CCDC88A: variants seen among roughly 807,000 people sequenced by gnomAD.
CCDC88A encodes coiled-coil and HOOK domain protein 88A.
Under a neutral mutation model 234.3 loss-of-function variants are expected in CCDC88A, and 54 were observed. That is an observed-to-expected ratio of 0.23 (90% CI 0.19 to 0.29). The LOEUF (loss-of-function observed/expected upper bound fraction) is 0.29, where lower values mean the gene tolerates loss of function less well. CCDC88A is among the 10% of genes least tolerant of loss of function. The probability of loss-of-function intolerance (pLI) is 1.00; values close to 1 mark genes in which losing one functional copy is unlikely to be tolerated. For synonymous variants in CCDC88A, 753 were observed against 737.8 expected (o/e 1.02, Z -0.33); for missense variants, 1,832 against 2,123.4 (o/e 0.86, Z 2.70).
At chr2:55,350,660 T>C (rs1487970628) in intron 8 of CCDC88A, 5 of 150,308 alleles carry the variant, frequency 3.3e-5, no homozygotes, top group African/African-American at 9.7e-5. Context: ...TTAAAATATA[T>C]GTATGTATAT....
In CCDC88A at chr2:55,289,379, T is replaced by C. The variant is rs531834073; in HGVS notation, c.*1821A>G. ...TCCACCTAAAAATGAATGTACATTT[T>C]TTGACATGCAATTGTCTCTAGACTG... On this transcript the variant is annotated 3_prime_UTR_variant, in exon 33 of 33. Coordinates refer to ENST00000436346, the MANE Select transcript of CCDC88A (RefSeq NM_001365480.1). The C allele has an allele frequency of 9.8e-5, 15 of 152,762 alleles. No homozygotes were observed. The highest frequency in any genetic ancestry group is 3.6e-4 in the African/African-American group (15 of 41,586). The allele number at this position is 152,762 out of a possible 1,614,324, so 9.5% of individuals were successfully genotyped here.
chr2:55,312,772 T>C (rs1682486810), intron 22 of CCDC88A, 193 bp from the exon 23 acceptor site: 1 of 406,392 alleles, frequency 2.5e-6, no homozygotes, highest in African/African-American at 2.0e-5. Context: ...TCTCTCTCTA[T>C]ATAAATATTT....
intron 2 of CCDC88A, among the ~76,000 whole-genome samples, chr2:55,401,465 T>TATATATATATATATATAC (rs1678647502): frequency 3.1e-5 from 1 of 32,210 alleles, no homozygotes; most frequent in African/African-American, 1.6e-4. Flanking sequence ...TATATATATA[T>TATATATATATATATATAC]ACATATGTGT....
intron 18 of CCDC88A, among the ~76,000 whole-genome samples, 174 bp downstream of exon 18, chr2:55,322,354 C>T (rs1019984905): frequency 1.4e-5 from 2 of 144,458 alleles, no homozygotes; most frequent in African/African-American, 5.0e-5. Flanking sequence ...GCAGGAGAAG[C>T]AAAAAGAAAG....
rs1198471121 is a variant in CCDC88A at position 55,296,407 on chromosome 2, T to G, written c.4942A>C (p.Arg1648=). 19 of 1,614,246 alleles carry G rather than the reference T, an allele frequency of 1.2e-5. No individual in the cohort carries two copies. Among genetic ancestry groups the G allele is most frequent in the Non-Finnish European group, 1.6e-5 (19 of 1,180,040 alleles). The change falls in exon 30 of 33, where the codon AGA becomes CGA. Residue 1648 remains arginine, a synonymous_variant. Coordinates refer to ENST00000436346, the MANE Select transcript of CCDC88A (RefSeq NM_001365480.1). ...AGCACTGGGCTTGATCTGGTCTGTC[T>G]TTTCAAGTACTGGATTGGACTGCTA... The part of the protein sequence containing the change: ...SGSSPIQYLK[R]QTRSSPVLQH...
Position 55,388,765 on chromosome 2 carries a change from A to G in CCDC88A, c.273+13T>C. 3 of 1,020,272 alleles carry G rather than the reference A, an allele frequency of 2.9e-6. No individual in the cohort carries two copies. Among genetic ancestry groups the G allele is most frequent in the Non-Finnish European group, 4.5e-6 (3 of 671,034 alleles). The allele number at this position is 1,020,272 out of a possible 1,614,324, so 63.2% of individuals were successfully genotyped here. On this transcript the variant is annotated intron_variant, in intron 3 of 32. Coordinates refer to ENST00000436346, the MANE Select transcript of CCDC88A (RefSeq NM_001365480.1). ...AGTTATTAAAACCCCAGATTTTTAA[A>G]AAGAGCACTTACCTGGTAATAAAAT...
rs893410705 is a variant in CCDC88A at position 55,301,984 on chromosome 2, C to T, written c.4560G>A (p.Thr1520=). ...ENLEVPDDIS[T]GKRRKELGAM... is the part of the protein sequence containing the mutation. ...CTCCCAATTCTTTTCTCCTTTTACC[C>T]GTTGAAATATCATCAGGAACCTCCA... The change falls in exon 27 of 33, where the codon ACG becomes ACA. Residue 1520 remains threonine (T), a synonymous_variant. Transcript: ENST00000436346. 7.4e-6 allele frequency: 12 copies of T among 1,613,870 alleles called. No homozygotes were observed. Among genetic ancestry groups the T allele is most frequent in the South Asian group, 1.1e-5 (1 of 91,088 alleles).
In CCDC88A at chr2:55,364,113, G is replaced by A. The variant is rs954044070; in HGVS notation, c.403-80C>T. 58 of 616,344 alleles carry A rather than the reference G, an allele frequency of 9.4e-5. 1 individual carries two copies. Among genetic ancestry groups the A allele is most frequent in the Non-Finnish European group, 3.5e-5 (13 of 375,690 alleles). The allele number at this position is 616,344 out of a possible 1,614,324, so 38.2% of individuals were successfully genotyped here. A position where few individuals can be genotyped will look rare whatever the true frequency, so the allele number is the denominator to read the frequency against. The stretch of plus-strand genomic sequence containing the variant: ...ATGTTATATATAACTAAAACTTTAT[G>A]AGGTTTGCTATATTTTGAAAAGTAT... On this transcript the variant is annotated intron_variant, in intron 5 of 32. Transcript: ENST00000436346.
In CCDC88A at chr2:55,308,820, T is replaced by C. The variant is rs1681968671; in HGVS notation, c.4376A>G (p.Lys1459Arg). ...GTTTAAGCACTCACTGCTGCTTTTCTTGGTCCCCAAGGTCTGGCCATCTTC... is the reference window on the plus strand; with the variant it reads ...GTTTAAGCACTCACTGCTGCTTTTCCTGGTCCCCAAGGTCTGGCCATCTTC... The part of the protein sequence containing the change: ...SLEDGQTLGT[K>R]KSSMVALKRL... Residue 1459 changes from lysine (K) to arginine (R), a missense_variant, in exon 25 of 33, where the codon AAG becomes AGG. Physicochemically the swap from Lys to Arg is conservative, Grantham distance 26 (BLOSUM62 2). This residue lies in a region of CCDC88A where 1,282 missense variants were observed against 1,543.6 expected (regional missense o/e 0.83). Transcript: ENST00000436346. 1 of 1,613,646 alleles carries C rather than the reference T, an allele frequency of 6.2e-7. No homozygotes were observed.
Position 55,308,908 on chromosome 2 carries a change from C to G in CCDC88A, c.4288G>C (p.Gly1430Arg). The change falls in exon 25 of 33, where the codon GGA becomes CGA. Residue 1430 changes from glycine (G) to arginine (R), a missense_variant. By Grantham distance (125) the Gly-to-Arg change is moderately radical. This residue lies in a region of CCDC88A where 1,282 missense variants were observed against 1,543.6 expected (regional missense o/e 0.83). Coordinates refer to ENST00000436346, the MANE Select transcript of CCDC88A (RefSeq NM_001365480.1). ...TCTTGATGAGGGAGCTGAAGAAATCCTTCACTGGAGTCTGAGCGGGTGGGT... is the reference window on the plus strand; with the variant it reads ...TCTTGATGAGGGAGCTGAAGAAATCGTTCACTGGAGTCTGAGCGGGTGGGT... ...LTPTRSDSSEGFLQLPHQDSQ... is the reference protein window; with the variant it reads ...LTPTRSDSSERFLQLPHQDSQ... 6.2e-7 allele frequency: 1 copy of G among 1,614,030 alleles called. No homozygotes were observed. Among genetic ancestry groups the G allele is most frequent in the Non-Finnish European group, 8.5e-7 (1 of 1,179,928 alleles).
chr2:55,374,977 G>A, intron 3 of CCDC88A, 94 bp from the exon 4 acceptor site: 1 of 746,834 alleles, frequency 1.3e-6, no homozygotes. Flanking sequence ...TTCTTCTGTA[G>A]GTGTGCTATA....
At chr2:55,389,784 T>C (rs1454334771) in intron 2 of CCDC88A, among the ~76,000 whole-genome samples, 3 of 152,160 alleles carry the variant, frequency 2.0e-5, no homozygotes, top group Middle Eastern at 3.4e-3. Context: ...CTCACGCCTA[T>C]AATCCCAGCA....
chr2:55,411,796 A>C (rs1256490182), intron 2 of CCDC88A, among the ~76,000 whole-genome samples: 1 of 140,482 alleles, frequency 7.1e-6, no homozygotes. Context: ...AAAAAAAAAA[A>C]AAAAAAACTC....
chr2:55,360,948 G>A (rs1671215027), intron 7 of CCDC88A, among the ~76,000 whole-genome samples: 1 of 152,182 alleles, frequency 6.6e-6, no homozygotes, highest in Non-Finnish European at 1.5e-5. Context: ...AATTAGCCAT[G>A]CGTGGTGGCG....
At chr2:55,312,623 T>A in intron 22 of CCDC88A, 44 bp from the exon 23 acceptor site, 1 of 1,433,334 alleles carries the variant, frequency 7.0e-7, no homozygotes, top group Non-Finnish European at 9.7e-7. Context: ...CATTTACATT[T>A]AACATAAATC....
rs539939254 is a variant in CCDC88A, at chr2:55,384,640, T to C, written c.273+4138A>G. ...ATATACGTATATATATGTATATATG[T>C]GTATATATACATATATATATATATA... On this transcript the variant is annotated intron_variant, in intron 3 of 32. Transcript: ENST00000436346. 4.0e-3 allele frequency among the ~76,000 whole-genome samples: 388 copies of C among 97,482 alleles called. 143 individuals carry two copies. Among genetic ancestry groups the C allele is most frequent in the African/African-American group, 0.016 (378 of 24,058 alleles). 64.0% of individuals were successfully genotyped at this position (97,482 alleles called of 152,430 possible). A position where few individuals can be genotyped will look rare whatever the true frequency, so the allele number is the denominator to read the frequency against.
At position 55,368,104 on chromosome 2, in the gene CCDC88A, G is replaced by A. The variant is rs114180617; in HGVS notation, c.403-4071C>T. Among the ~76,000 whole-genome samples, 730 of 152,312 alleles carry A rather than the reference G, an allele frequency of 4.8e-3. 3 individuals carry two copies. Among genetic ancestry groups the A allele is most frequent in the Non-Finnish European group, 4.8e-3 (327 of 68,020 alleles). On this transcript the variant is annotated intron_variant, in intron 5 of 32. Transcript: ENST00000436346. ...AACTACTTCAGGGCTAGGATGAAGA[G>A]TCACAGATGTGTGAAAATTCTAGGT...
At chr2:55,325,127 T>G (rs1372288931) in intron 17 of CCDC88A, among the ~76,000 whole-genome samples, 1 of 152,242 alleles carries the variant, frequency 6.6e-6, no homozygotes, top group Non-Finnish European at 1.5e-5. Flanking sequence ...TTAATTGGGA[T>G]TATGTTGAAT....
Position 55,355,065 on chromosome 2 carries a change from G to A in CCDC88A, c.800+514C>T, listed in dbSNP as rs535201099. The stretch of plus-strand genomic sequence containing the variant: ...GTGGTCCATTGTTAACTGAAATGTC[G>A]TTATGTGGCACATGACTGTATTTAC... On this transcript the variant is annotated intron_variant, in intron 8 of 32. Transcript: ENST00000436346. Among the ~76,000 whole-genome samples the A allele has an allele frequency of 4.6e-5, 7 of 150,708 alleles. No individual in the cohort carries two copies. The East Asian group carries it at 5.8e-4, about 13-fold the overall frequency.
Sources: allele counts gnomAD v4.1 joint callset (sites outside exome capture counted in the v4.1 genomes callset), GRCh38; gene constraint gnomAD v4.1.1; regional missense constraint gnomAD v4.1.1; transcripts MANE v1.5; gene names NCBI Gene and HGNC (gene_info 2026-07-23, HGNC 2026-07-21).